The following RPH3A variants were observed in gnomAD, a reference collection of about 807,000 sequenced individuals.
RPH3A encodes the protein rabphilin 3A.
In RPH3A, 48 loss-of-function variants were observed where a neutral mutation model predicts 102.2. That is an observed-to-expected ratio of 0.47 (90% CI 0.37 to 0.60). RPH3A has a LOEUF of 0.60. RPH3A is among the 20% of genes least tolerant of loss of function. The pLI is 0.00. For synonymous variants in RPH3A, 310 were observed against 324.3 expected, an observed-to-expected ratio of 0.96 and a Z score of 0.47; for missense variants, 781 against 910.1, an observed-to-expected ratio of 0.86 and a Z score of 1.83.
intron 1 of RPH3A, among the ~76,000 whole-genome samples, chr12:112,677,614 TACCTGGATG>T (rs890311474): frequency 4.6e-5 from 7 of 151,800 alleles, no homozygotes; most frequent in African/African-American, 1.7e-4. Flanking sequence ...TGTAATGTTC[TACCTGGATG>T]ACCTCGAATA....
chr12:112,674,733 A>G (rs2136011692), intron 1 of RPH3A, among the ~76,000 whole-genome samples: 1 of 152,236 alleles, frequency 6.6e-6, no homozygotes, highest in African/African-American at 2.4e-5. Context: ...TTCATCCCAC[A>G]TGCCTGTAGA....
chr12:112,661,194 A>G (rs1050891060), intron 1 of RPH3A, among the ~76,000 whole-genome samples: 6 of 152,138 alleles, frequency 3.9e-5, no homozygotes, highest in African/African-American at 1.4e-4. Context: ...GGAATACAGA[A>G]TGGTGGCTGG....
At chr12:112,808,396 C>G (rs759001889) in intron 2 of RPH3A, among the ~76,000 whole-genome samples, 1 of 152,212 alleles carries the variant, frequency 6.6e-6, no homozygotes, top group Non-Finnish European at 1.5e-5. Flanking sequence ...TTTAAGAAGA[C>G]CTGCATTGCA....
chr12:112,630,894 A>G (rs2039799213), intron 1 of RPH3A, among the ~76,000 whole-genome samples: 2 of 152,124 alleles, frequency 1.3e-5, no homozygotes, highest in Non-Finnish European at 2.9e-5. Flanking sequence ...TGAATATAAT[A>G]TAGTGGGTTA....
chr12:112,787,162 G>A (rs4766654), upstream of RPH3A, among the ~76,000 whole-genome samples: 29,415 of 152,020 alleles, frequency 0.19, 4,598 homozygotes, highest in African/African-American at 0.43. Flanking sequence ...CACCCAAATA[G>A]CCCAGGATAA....
At chr12:112,856,764 C>T (rs1205431151) in intron 5 of RPH3A, among the ~76,000 whole-genome samples, 1 of 152,184 alleles carries the variant, frequency 6.6e-6, no homozygotes, top group Non-Finnish European at 1.5e-5. Context: ...GAATAAATAA[C>T]TAGCAGCAAC....
chr12:112,752,885 G>C (rs530104595), intron 1 of RPH3A, among the ~76,000 whole-genome samples: 6 of 150,074 alleles, frequency 4.0e-5, no homozygotes, highest in African/African-American at 1.5e-4. Flanking sequence ...CTTAATAGCT[G>C]TACAGGTTCC....
At chr12:112,586,701 C>T (rs1362630983) in intron 1 of RPH3A, among the ~76,000 whole-genome samples, 1 of 152,130 alleles carries the variant, frequency 6.6e-6, no homozygotes, top group Non-Finnish European at 1.5e-5. Context: ...ACCATGTCCT[C>T]ATGTAATCTT....
chr12:112,784,462 C>T (rs997037486), intron 1 of RPH3A, among the ~76,000 whole-genome samples: 2 of 152,158 alleles, frequency 1.3e-5, no homozygotes, highest in South Asian at 2.1e-4. Flanking sequence ...TGCAGAACCC[C>T]GTGAACTATG....
intron 21 of RPH3A, among the ~76,000 whole-genome samples, chr12:112,896,099 G>A (rs2043175108): frequency 6.6e-6 from 1 of 152,236 alleles, no homozygotes; most frequent in African/African-American, 2.4e-5. Context: ...CACCTCCAGT[G>A]GGGTAATTAA....
At chr12:112,671,457 T>G (rs1400493589) in intron 1 of RPH3A, among the ~76,000 whole-genome samples, 1 of 152,190 alleles carries the variant, frequency 6.6e-6, no homozygotes, top group Non-Finnish European at 1.5e-5. Context: ...GAGGCATACC[T>G]CTTCCCTTTA....
intron 20 of RPH3A, 127 bp downstream of exon 20, chr12:112,894,786 G>A: frequency 1.2e-6 from 1 of 802,310 alleles, no homozygotes; most frequent in Admixed American, 3.1e-5. Flanking sequence ...AAATGATGAT[G>A]TAGAAAAATA....
intron 2 of RPH3A, among the ~76,000 whole-genome samples, chr12:112,806,567 T>G (rs1405567101): frequency 6.6e-6 from 1 of 151,870 alleles, no homozygotes; most frequent in Non-Finnish European, 1.5e-5. Flanking sequence ...AGGTGGAGGT[T>G]GTAATGAGTC....
rs535285859 is a variant in RPH3A, at chr12:112,775,652, G to A, written c.-139-16491G>A. 3.3e-5 allele frequency among the ~76,000 whole-genome samples: 5 copies of A among 152,204 alleles called. 1 individual carries two copies. The South Asian group carries it at 1.0e-3, about 32-fold the overall frequency. ...ATAGAAGACAGGAAAGGCAGGGGAGGGAACCATGGACAAGGCAGAGTAAAC... is the reference window on the plus strand; with the variant it reads ...ATAGAAGACAGGAAAGGCAGGGGAGAGAACCATGGACAAGGCAGAGTAAAC... On this transcript the variant is annotated intron_variant, in intron 1 of 21. Transcript: ENST00000543106.
chr12:112,639,666 C>T (rs1592920611), intron 1 of RPH3A, among the ~76,000 whole-genome samples: 1 of 152,058 alleles, frequency 6.6e-6, no homozygotes, highest in African/African-American at 2.4e-5. Context: ...GAGCCCCCCT[C>T]CCCCCACAAA....
chr12:112,869,632 A>G, intron 8 of RPH3A, 127 bp from the exon 9 acceptor site: 1 of 929,648 alleles, frequency 1.1e-6, no homozygotes, highest in East Asian at 2.5e-5. Context: ...GTTGGGAGAA[A>G]GACTTTTAAT....
At chr12:112,590,118 G>C (rs1389581728) in intron 1 of RPH3A, among the ~76,000 whole-genome samples, 4 of 151,368 alleles carry the variant, frequency 2.6e-5, no homozygotes, top group Non-Finnish European at 4.4e-5. Flanking sequence ...AATAATAATA[G>C]GGCCAGGCTC....
chr12:112,886,563 C>A (rs2043004979), intron 16 of RPH3A, among the ~76,000 whole-genome samples: 1 of 152,154 alleles, frequency 6.6e-6, no homozygotes, highest in Non-Finnish European at 1.5e-5. Context: ...TCCTGTGCAG[C>A]CAGGTTCCTA....
chr12:112,877,799 G>A (rs1361328650), intron 13 of RPH3A, among the ~76,000 whole-genome samples: 3 of 152,188 alleles, frequency 2.0e-5, no homozygotes, highest in African/African-American at 4.8e-5. Flanking sequence ...AAACACCCAC[G>A]AGGAATTGTT....
Sources: allele counts gnomAD v4.1 joint callset (sites outside exome capture counted in the v4.1 genomes callset), GRCh38; gene constraint gnomAD v4.1.1; transcripts MANE v1.5; gene names NCBI Gene and HGNC (gene_info 2026-07-23, HGNC 2026-07-21).